Variants in GNB4 observed in about 807,000 individuals in gnomAD.
GNB4 encodes guanine nucleotide-binding protein subunit beta-4.
A neutral mutation model predicts 45.2 loss-of-function variants in GNB4; 28 were observed. The ratio of observed to expected loss-of-function variants is 0.62; its 90% CI spans 0.46 to 0.85. The LOEUF (loss-of-function observed/expected upper bound fraction) is 0.85. Among genes scored for constraint, GNB4 ranks in the 40% least tolerant of loss-of-function variants. The pLI is 0.00. For missense variants in GNB4, 321 were observed against 425.4 expected (o/e 0.75, Z 2.16); for synonymous variants, 132 against 143.7 (o/e 0.92, Z 0.58).
the GNB4 span, among the ~76,000 whole-genome samples, chr3:179,488,692 A>G: frequency 6.6e-6 from 1 of 151,984 alleles, no homozygotes; most frequent in Non-Finnish European, 1.5e-5. Flanking sequence ...TGACTCTAAA[A>G]TACCTGTCTT....
rs555897206 is a variant in GNB4, at chr3:179,414,328, A to G, written c.431-547T>C. Among the ~76,000 whole-genome samples the G allele has an allele frequency of 2.9e-3, 437 of 152,322 alleles. 5 individuals are homozygous for G. The highest frequency in any genetic ancestry group is 0.01 in the African/African-American group (431 of 41,582). On this transcript the variant is annotated intron_variant, in intron 6 of 9. Coordinates refer to ENST00000232564, the MANE Select transcript of GNB4 (RefSeq NM_021629.4). ...TTCATCAGTGTTTCAAAATATGGAAATGTCAGAAAAACACCATTCTAGAGA... is the reference window on the plus strand; with the variant it reads ...TTCATCAGTGTTTCAAAATATGGAAGTGTCAGAAAAACACCATTCTAGAGA...
chr3:179,480,841 A>ATTTTTTT, the GNB4 span, among the ~76,000 whole-genome samples: 3 of 136,648 alleles, frequency 2.2e-5, no homozygotes. Context: ...AACTGATTTC[A>ATTTTTTT]TTTTTTTTTT....
At chr3:179,413,313 T>C in intron 8 of GNB4, 99 bp downstream of exon 8, 1 of 893,602 alleles carries the variant, frequency 1.1e-6, no homozygotes, top group South Asian at 1.5e-5. Context: ...GCACATTACT[T>C]GTAAGAATCC....
At chr3:179,499,795 G>C in the GNB4 span, among the ~76,000 whole-genome samples, 1 of 151,994 alleles carries the variant, frequency 6.6e-6, no homozygotes. Flanking sequence ...TAACTGGTGT[G>C]AGATGTGGTT....
chr3:179,501,150 T>G, the GNB4 span, among the ~76,000 whole-genome samples: 1 of 152,188 alleles, frequency 6.6e-6, no homozygotes, highest in Non-Finnish European at 1.5e-5. Context: ...CACCCCTCTT[T>G]GTCTACCATG....
At chr3:179,464,810 G>A in the GNB4 span, 1 of 1,348,786 alleles carries the variant, frequency 7.4e-7, no homozygotes, top group Non-Finnish European at 1.1e-6. Flanking sequence ...GGATGCTGAT[G>A]GCTTTCATGT....
At chr3:179,456,466 T>C (rs915852850), upstream of GNB4, among the ~76,000 whole-genome samples, 1 of 152,188 alleles carries the variant, frequency 6.6e-6, no homozygotes, top group Non-Finnish European at 1.5e-5. Context: ...TCCCATAGAG[T>C]ATTGATTTCA....
intron 4 of GNB4, 30 bp from the exon 5 acceptor site, chr3:179,416,586 C>T: frequency 7.1e-7 from 1 of 1,415,004 alleles, no homozygotes; most frequent in Non-Finnish European, 9.8e-7. Context: ...AATAATTTGA[C>T]ACTTAGAGGG....
the GNB4 span, among the ~76,000 whole-genome samples, chr3:179,460,125 T>C: frequency 6.6e-6 from 1 of 152,246 alleles, no homozygotes; most frequent in African/African-American, 2.4e-5. Context: ...ATGACATTAA[T>C]CCTGCTTTTT....
Position 179,401,167 on chromosome 3 carries a change from T to C in GNB4, c.*46A>G, listed in dbSNP as rs1457366798. The C allele has an allele frequency of 7.3e-7, 1 of 1,371,096 alleles. No homozygotes were observed. The highest frequency in any genetic ancestry group is 1.2e-5 in the South Asian group (1 of 81,312). The allele number at this position is 1,371,096 out of a possible 1,614,324, so 84.9% of individuals were successfully genotyped here. Reference sequence around the variant, plus strand: ...TTTTCACAGCTATAGGCTGTAGCATTGATTTCTCCAGATATATCAATGGAG... The same window carrying C: ...TTTTCACAGCTATAGGCTGTAGCATCGATTTCTCCAGATATATCAATGGAG... On this transcript the variant is annotated 3_prime_UTR_variant, in exon 10 of 10. Transcript: ENST00000232564.
chr3:179,506,807 C>T, the GNB4 span, among the ~76,000 whole-genome samples: 1 of 152,006 alleles, frequency 6.6e-6, no homozygotes, highest in East Asian at 1.9e-4. Context: ...TCTATATTAC[C>T]CTCTGTAATT....
intron 1 of GNB4, among the ~76,000 whole-genome samples, chr3:179,430,022 A>G (rs1577035545): frequency 6.6e-6 from 1 of 151,972 alleles, no homozygotes; most frequent in African/African-American, 2.4e-5. Context: ...ATACATACAT[A>G]ACTGACTCAT....
At chr3:179,428,003 T>A (rs1715195216) in intron 1 of GNB4, among the ~76,000 whole-genome samples, 1 of 152,228 alleles carries the variant, frequency 6.6e-6, no homozygotes, top group African/African-American at 2.4e-5. Flanking sequence ...CAAATTCCTA[T>A]AAAAGATTGA....
chr3:179,467,361 C>A, the GNB4 span, among the ~76,000 whole-genome samples: 36 of 152,246 alleles, frequency 2.4e-4, no homozygotes, highest in African/African-American at 8.7e-4. Flanking sequence ...TTAAGAAATT[C>A]TGCTATCAGT....
the GNB4 span, among the ~76,000 whole-genome samples, chr3:179,521,068 C>G: frequency 6.6e-6 from 1 of 152,170 alleles, no homozygotes; most frequent in East Asian, 1.9e-4. Flanking sequence ...TTGCCCCACC[C>G]AGGACTGGCA....
At chr3:179,418,470 C>CAAAAAAAAAAAAAAAAAAAA (rs386356535) in intron 4 of GNB4, among the ~76,000 whole-genome samples, 23 of 95,362 alleles carry the variant, frequency 2.4e-4, no homozygotes, top group Non-Finnish European at 3.8e-4. Flanking sequence ...AACTCTGTCT[C>CAAAAAAAAAAAAAAAAAAAA]AAAAAAAAAA....
In GNB4 at chr3:179,414,951, A is replaced by T. The variant is rs2108591064; in HGVS notation, c.364T>A (p.Ser122Thr). The T allele has an allele frequency of 1.9e-6, 3 of 1,612,596 alleles. No individual in the cohort carries two copies. Among genetic ancestry groups the T allele is most frequent in the Non-Finnish European group, 2.5e-6 (3 of 1,178,972 alleles). The change falls in exon 6 of 10, where the codon TCT (serine) becomes ACT (threonine). Residue 122 changes from serine (S) to threonine (T), a missense_variant. Physicochemically the swap from Ser to Thr is moderately conservative, Grantham distance 58. Transcript: ENST00000232564. ...TCTCTGGTCTTTAAGTTATATATAGAGCAGATGTTGTCCAAGCCTCCACAG... is the reference window on the plus strand; with the variant it reads ...TCTCTGGTCTTTAAGTTATATATAGTGCAGATGTTGTCCAAGCCTCCACAG... ...VACGGLDNIC[S>T]IYNLKTREGN... is the part of the protein sequence containing the mutation.
At chr3:179,434,521 G>A (rs926937935) in intron 1 of GNB4, among the ~76,000 whole-genome samples, 4 of 152,086 alleles carry the variant, frequency 2.6e-5, no homozygotes, top group Non-Finnish European at 5.9e-5. Flanking sequence ...AGGAGTTTGA[G>A]ACCAACCTGG....
At chr3:179,454,320 C>T (rs1559985612), upstream of GNB4, among the ~76,000 whole-genome samples, 1 of 152,154 alleles carries the variant, frequency 6.6e-6, no homozygotes, top group Admixed American at 6.5e-5. Context: ...AACAGAGCAC[C>T]TTGCATTTGC....
Sources: gnomAD v4.1 joint callset for allele counts (sites outside exome capture counted in the v4.1 genomes callset) on GRCh38, gnomAD v4.1.1 for gene constraint, MANE v1.5 for transcripts, NCBI Gene and HGNC (gene_info 2026-07-23, HGNC 2026-07-21) for gene names.